PIKFYVE: variants seen among roughly 807,000 people sequenced by gnomAD.
PIKFYVE encodes the protein phosphoinositide kinase, FYVE-type zinc finger containing.
A neutral mutation model predicts 257.9 loss-of-function variants in PIKFYVE; 122 were observed. The ratio of observed to expected loss-of-function variants is 0.47; its 90% CI spans 0.41 to 0.55. The LOEUF is 0.55. PIKFYVE is among the 20% of genes least tolerant of loss of function. The pLI is 0.00. For synonymous variants in PIKFYVE, 892 were observed against 868.9 expected (o/e 1.03, Z -0.47); for missense variants, 2,160 against 2,536.6 (o/e 0.85, Z 3.19).
chr2:208,338,660 G>T, intron 29 of PIKFYVE, 92 bp downstream of exon 29: 1 of 1,264,514 alleles, frequency 7.9e-7, no homozygotes, highest in South Asian at 1.2e-5. Flanking sequence ...CAGTTTTTCC[G>T]ATGCTGTTGT....
chr2:208,322,064 A>G (rs976085233), intron 17 of PIKFYVE, among the ~76,000 whole-genome samples: 2 of 152,142 alleles, frequency 1.3e-5, no homozygotes, highest in Non-Finnish European at 2.9e-5. Flanking sequence ...TTCAGAATGT[A>G]GAGGAGAGAA....
intron 3 of PIKFYVE, chr2:208,274,068 T>C (rs1358117387): frequency 5.6e-6 from 9 of 1,609,964 alleles, no homozygotes; most frequent in South Asian, 1.1e-5. Context: ...GTTTCCACTT[T>C]GTGAATGAAT....
At chr2:208,329,657 G>C (rs1697293506) in intron 21 of PIKFYVE, among the ~76,000 whole-genome samples, 185 bp from the exon 22 acceptor site, 1 of 152,188 alleles carries the variant, frequency 6.6e-6, no homozygotes, top group South Asian at 2.1e-4. Context: ...TGAAAAAGAT[G>C]CTTTAGTGTG....
chr2:208,296,067 C>T (rs930408972), intron 7 of PIKFYVE, among the ~76,000 whole-genome samples: 3 of 151,820 alleles, frequency 2.0e-5, no homozygotes, highest in Non-Finnish European at 4.4e-5. Flanking sequence ...TGCAGTGGCG[C>T]AATTTCACCT....
intron 7 of PIKFYVE, among the ~76,000 whole-genome samples, chr2:208,295,045 T>TAA (rs532798974): frequency 0.01 from 1,589 of 152,302 alleles, 10 homozygotes; most frequent in Non-Finnish European, 0.016. Flanking sequence ...GTCAATTTGA[T>TAA]TTTAGGTTTT....
chr2:208,345,084 C>A, intron 32 of PIKFYVE, 27 bp from the exon 33 acceptor site: 1 of 1,460,436 alleles, frequency 6.8e-7, no homozygotes, highest in Non-Finnish European at 9.6e-7. Flanking sequence ...TAATGTTTAA[C>A]GTTTTTCAAC....
At position 208,325,407 on chromosome 2, in the gene PIKFYVE, T is replaced by A; in HGVS notation, c.2596T>A (p.Ser866Thr). The A allele has an allele frequency of 6.2e-7, 1 of 1,614,204 alleles. No individual in the cohort carries two copies. The highest frequency in any genetic ancestry group is 8.5e-7 in the Non-Finnish European group (1 of 1,180,026). ...ATTTATGATCTGTGTTGCTTATCAT[T>A]CTCAACTAGAAATATCCTTTCTCAT... ...LIFMICVAYH[S>T]QLEISFLMDE... Residue 866 changes from serine (S) to threonine (T), a missense_variant, in exon 20 of 42, where the codon TCT (serine) becomes ACT (threonine). Coordinates refer to ENST00000264380, the MANE Select transcript of PIKFYVE (RefSeq NM_015040.4).
At position 208,326,296 on chromosome 2, in the gene PIKFYVE, T is replaced by C; in HGVS notation, c.3485T>C (p.Ile1162Thr). The C allele has an allele frequency of 3.7e-6, 6 of 1,602,634 alleles. No homozygotes were observed. Among genetic ancestry groups the C allele is most frequent in the Non-Finnish European group, 5.1e-6 (6 of 1,173,996 alleles). Reference sequence around the variant, plus strand: ...GATTATCGAGCCAGAGGAGGAAGAATTCAGCCCAAAAATTCAGACCCTTTT... The same window carrying C: ...GATTATCGAGCCAGAGGAGGAAGAACTCAGCCCAAAAATTCAGACCCTTTT... Reference protein sequence around the residue: ...LADYRARGGRIQPKNSDPFAH... With the variant: ...LADYRARGGRTQPKNSDPFAH... The change falls in exon 20 of 42, where the codon ATT (isoleucine) becomes ACT (threonine). Residue 1162 changes from isoleucine (I) to threonine (T), a missense_variant. Around this residue, in one of 12 missense-constraint regions of PIKFYVE, gnomAD observed 522 missense variants for 514.6 expected, o/e 1.01. Coordinates refer to ENST00000264380, the MANE Select transcript of PIKFYVE (RefSeq NM_015040.4).
chr2:208,331,166 A>C (rs1327575333), intron 23 of PIKFYVE, among the ~76,000 whole-genome samples: 1 of 152,172 alleles, frequency 6.6e-6, no homozygotes, highest in Non-Finnish European at 1.5e-5. Context: ...CATACAGATG[A>C]GACCATGTTG....
chr2:208,335,219 A>C, intron 24 of PIKFYVE, 87 bp from the exon 25 acceptor site: 1 of 880,652 alleles, frequency 1.1e-6, no homozygotes, highest in Non-Finnish European at 1.9e-6. Flanking sequence ...TATGCCTCAT[A>C]GAATATAGTT....
At chr2:208,272,521 A>C (rs1244658491) in intron 2 of PIKFYVE, among the ~76,000 whole-genome samples, 4 of 152,194 alleles carry the variant, frequency 2.6e-5, no homozygotes, top group Non-Finnish European at 5.9e-5. Context: ...ATGACATCAA[A>C]TGGAAAGATA....
In PIKFYVE at chr2:208,298,783, C is replaced by G. The variant is rs762581937; in HGVS notation, c.1050+4C>G. On this transcript the variant is annotated splice_donor_region_variant and intron_variant, in intron 8 of 41. Transcript: ENST00000264380. ...GGATGAACGCAAAATTCTTCTGGTACTGGTCCAGTATCTTTGACCCATTGC... is the reference window on the plus strand; with the variant it reads ...GGATGAACGCAAAATTCTTCTGGTAGTGGTCCAGTATCTTTGACCCATTGC... 1 of 1,613,978 alleles carries G rather than the reference C, an allele frequency of 6.2e-7. No homozygotes were observed. Among genetic ancestry groups the G allele is most frequent in the Non-Finnish European group, 8.5e-7 (1 of 1,179,878 alleles).
rs754349403 is a variant in PIKFYVE, at chr2:208,351,471, C to G, written c.5715+16C>G. On this transcript the variant is annotated intron_variant, in intron 38 of 41. Coordinates refer to ENST00000264380, the MANE Select transcript of PIKFYVE (RefSeq NM_015040.4). The stretch of plus-strand genomic sequence containing the variant: ...TCAACAAAAGGTAGAAATCTAAAAC[C>G]ATGGTCTGTAATCAAAGTTTGGTGG... 1.9e-6 allele frequency: 3 copies of G among 1,576,318 alleles called. No homozygotes were observed. The Admixed American group carries it at 5.0e-5, about 26-fold the overall frequency.
intron 4 of PIKFYVE, among the ~76,000 whole-genome samples, chr2:208,277,312 C>A (rs907904469): frequency 6.6e-6 from 1 of 152,226 alleles, no homozygotes; most frequent in African/African-American, 2.4e-5. Flanking sequence ...AGTACCCTGT[C>A]TAAAATTATT....
chr2:208,347,289 A>G (rs1699321037), intron 34 of PIKFYVE, among the ~76,000 whole-genome samples: 2 of 152,248 alleles, frequency 1.3e-5, no homozygotes, highest in African/African-American at 4.8e-5. Flanking sequence ...CAAAACTAGG[A>G]GTAAAAGTAT....
At chr2:208,339,592 T>G in intron 30 of PIKFYVE, 37 bp downstream of exon 30, 1 of 1,608,862 alleles carries the variant, frequency 6.2e-7, no homozygotes, top group Non-Finnish European at 8.5e-7. Flanking sequence ...TTTCATTGTA[T>G]CTAAGACTGA....
chr2:208,345,070 A>T (rs1699103845), intron 32 of PIKFYVE, 41 bp from the exon 33 acceptor site: 2 of 1,307,832 alleles, frequency 1.5e-6, no homozygotes, highest in Admixed American at 3.4e-5. Flanking sequence ...TTTAAAGAAG[A>T]AGTTAATGTT....
intron 8 of PIKFYVE, 105 bp from the exon 9 acceptor site, chr2:208,300,832 C>T: frequency 7.0e-7 from 1 of 1,426,628 alleles, no homozygotes. Context: ...ATAAAGAAAT[C>T]CAAGTTAGGT....
intron 24 of PIKFYVE, among the ~76,000 whole-genome samples, chr2:208,334,671 A>G (rs1697937571): frequency 6.6e-6 from 1 of 152,090 alleles, no homozygotes; most frequent in African/African-American, 2.4e-5. Flanking sequence ...ATTTTTCTCC[A>G]TAGTACTGAA....
Sources: gnomAD v4.1 joint callset for allele counts (sites outside exome capture counted in the v4.1 genomes callset) on GRCh38, gnomAD v4.1.1 for gene constraint, gnomAD v4.1.1 regional missense constraint, MANE v1.5 for transcripts, NCBI Gene and HGNC (gene_info 2026-07-23, HGNC 2026-07-21) for gene names.